SNX10: variants seen among roughly 807,000 people sequenced by gnomAD.
The protein encoded by SNX10 is sorting nexin 10.
A neutral mutation model predicts 28.5 loss-of-function variants in SNX10; 25 were observed. The ratio of observed to expected loss-of-function variants is 0.88; its 90% CI spans 0.64 to 1.22. The LOEUF is 1.22. SNX10 is among the 50% of genes most tolerant of loss of function. The probability of loss-of-function intolerance (pLI) is 0.00; values close to 1 mark genes in which losing one functional copy is unlikely to be tolerated. For synonymous variants in SNX10, 62 were observed against 81.4 expected, an observed-to-expected ratio of 0.76 and a Z score of 1.28; for missense variants, 223 against 242.6, an observed-to-expected ratio of 0.92 and a Z score of 0.54.
At chr7:26,304,786 A>G (rs1661647769) in intron 1 of SNX10, among the ~76,000 whole-genome samples, 1 of 152,230 alleles carries the variant, frequency 6.6e-6, no homozygotes, top group South Asian at 2.1e-4. Context: ...AAATAGTGCA[A>G]TCAAACTGTT....
intron 1 of SNX10, among the ~76,000 whole-genome samples, chr7:26,301,097 A>G (rs1464144500): frequency 6.8e-6 from 1 of 147,338 alleles, no homozygotes; most frequent in Non-Finnish European, 1.5e-5. Context: ...AAAACTAGTT[A>G]TGTTACTTCA....
intron 1 of SNX10, among the ~76,000 whole-genome samples, chr7:26,341,862 A>G (rs10260513): frequency 0.029 from 4,346 of 151,380 alleles, 143 homozygotes; most frequent in African/African-American, 0.079. Flanking sequence ...AAATTTTCCA[A>G]CTCACCTAAA....
intron 1 of SNX10, among the ~76,000 whole-genome samples, chr7:26,296,708 C>G (rs2127992236): frequency 6.6e-6 from 1 of 152,142 alleles, no homozygotes; most frequent in Non-Finnish European, 1.5e-5. Context: ...CTTGTTCAGC[C>G]AGCTATCAAA....
intron 1 of SNX10, among the ~76,000 whole-genome samples, chr7:26,307,583 G>T (rs1462376963): frequency 1.3e-5 from 2 of 151,986 alleles, no homozygotes; most frequent in Non-Finnish European, 2.9e-5. Flanking sequence ...GAGTAGCTGG[G>T]ACTATGGGTG....
chr7:26,329,371 C>T (rs780628810), intron 1 of SNX10, among the ~76,000 whole-genome samples: 1 of 152,312 alleles, frequency 6.6e-6, no homozygotes, highest in South Asian at 2.1e-4. Context: ...GGTTTCAGCT[C>T]AAATGTCACC....
intron 1 of SNX10, among the ~76,000 whole-genome samples, chr7:26,325,548 C>T (rs929794847): frequency 6.9e-6 from 1 of 145,146 alleles, no homozygotes; most frequent in African/African-American, 2.5e-5. Context: ...TCCTAACTTT[C>T]CTAACTTCAA....
chr7:26,320,710 G>A (rs551601688), intron 1 of SNX10, among the ~76,000 whole-genome samples: 1 of 152,238 alleles, frequency 6.6e-6, no homozygotes, highest in African/African-American at 2.4e-5. Flanking sequence ...GGGATTACAG[G>A]CATGAGCCAC....
At chr7:26,337,098 T>G (rs925748052) in intron 1 of SNX10, among the ~76,000 whole-genome samples, 1 of 152,238 alleles carries the variant, frequency 6.6e-6, no homozygotes, top group East Asian at 1.9e-4. Flanking sequence ...TCATGATCCT[T>G]GCCAGCAGTG....
At chr7:26,319,972 A>T (rs1478645143) in intron 1 of SNX10, among the ~76,000 whole-genome samples, 1 of 151,340 alleles carries the variant, frequency 6.6e-6, no homozygotes, top group African/African-American at 2.4e-5. Flanking sequence ...ATTTGTTTAT[A>T]TTTTTAATTA....
At chr7:26,307,238 CT>C (rs1281343464) in intron 1 of SNX10, among the ~76,000 whole-genome samples, 2 of 152,208 alleles carry the variant, frequency 1.3e-5, no homozygotes, top group African/African-American at 2.4e-5. Flanking sequence ...CCAAGCTGCT[CT>C]CCAGACGCCT....
At chr7:26,362,774 A>T (rs899186598) in intron 3 of SNX10, among the ~76,000 whole-genome samples, 1 of 152,200 alleles carries the variant, frequency 6.6e-6, no homozygotes, top group Non-Finnish European at 1.5e-5. Context: ...ATGATGTCAC[A>T]CAACTCTGGG....
At chr7:26,354,932 C>G (rs1318769558) in intron 2 of SNX10, among the ~76,000 whole-genome samples, 1 of 143,340 alleles carries the variant, frequency 7.0e-6, no homozygotes, top group Admixed American at 6.9e-5. Flanking sequence ...TTTTTTTTTT[C>G]TAAAAGTTTT....
chr7:26,314,192 A>G (rs1189014168), intron 1 of SNX10, among the ~76,000 whole-genome samples: 1 of 152,164 alleles, frequency 6.6e-6, no homozygotes, highest in South Asian at 2.1e-4. Context: ...GTTAGACTGA[A>G]ATGGCTTGTC....
intron 1 of SNX10, among the ~76,000 whole-genome samples, chr7:26,318,018 C>CTA (rs1787159304): frequency 6.6e-6 from 1 of 152,126 alleles, no homozygotes; most frequent in Non-Finnish European, 1.5e-5. Context: ...TGGGAAAGGC[C>CTA]TTTATGGGAC....
At chr7:26,355,036 G>A (rs1245437573) in intron 2 of SNX10, among the ~76,000 whole-genome samples, 1 of 152,072 alleles carries the variant, frequency 6.6e-6, no homozygotes, top group Non-Finnish European at 1.5e-5. Flanking sequence ...TTAGGTTGAG[G>A]TTCATCTCTT....
chr7:26,330,925 G>A (rs1787725062), intron 1 of SNX10, among the ~76,000 whole-genome samples: 1 of 152,126 alleles, frequency 6.6e-6, no homozygotes, highest in South Asian at 2.1e-4. Context: ...CAAGACAGGA[G>A]GATCACTTGA....
At chr7:26,298,450 C>T (rs976070261) in intron 1 of SNX10, among the ~76,000 whole-genome samples, 8 of 151,966 alleles carry the variant, frequency 5.3e-5, no homozygotes, top group South Asian at 2.1e-4. Context: ...CCAGTGTTGA[C>T]GAAGGTGTGG....
intron 1 of SNX10, among the ~76,000 whole-genome samples, chr7:26,296,374 G>C (rs1786111287): frequency 6.6e-6 from 1 of 151,998 alleles, no homozygotes. Context: ...GCAAAAGCTG[G>C]GTGTGGCGGC....
At chr7:26,342,815 T>G (rs1330284042) in intron 1 of SNX10, among the ~76,000 whole-genome samples, 4 of 151,736 alleles carry the variant, frequency 2.6e-5, no homozygotes, top group African/African-American at 9.7e-5. Flanking sequence ...TTTATTTTCT[T>G]TTTTATATTT....
Sources: allele counts gnomAD v4.1 joint callset (sites outside exome capture counted in the v4.1 genomes callset), GRCh38; gene constraint gnomAD v4.1.1; transcripts MANE v1.5; gene names NCBI Gene and HGNC (gene_info 2026-07-23, HGNC 2026-07-21).